DPP10: variants seen among roughly 807,000 people sequenced by gnomAD.
DPP10 encodes inactive dipeptidyl peptidase 10.
DPP10 carries 33 observed loss-of-function variants against 120.9 expected under a neutral mutation model. The ratio of observed to expected loss-of-function variants is 0.27; its 90% CI spans 0.21 to 0.37. The LOEUF (loss-of-function observed/expected upper bound fraction) is 0.37, where lower values mean the gene tolerates loss of function less well. Among genes scored for constraint, DPP10 ranks in the 10% least tolerant of loss-of-function variants. DPP10 has a pLI of 1.00. For missense variants in DPP10, 816 were observed against 942.8 expected, an observed-to-expected ratio of 0.87 and a Z score of 1.76; for synonymous variants, 337 against 326.1, an observed-to-expected ratio of 1.03 and a Z score of -0.36.
intron 1 of DPP10, among the ~76,000 whole-genome samples, chr2:115,166,036 C>T (rs1198160753): frequency 1.3e-5 from 2 of 152,110 alleles, no homozygotes; most frequent in Admixed American, 6.5e-5. Flanking sequence ...TGTAAAATGC[C>T]TTCTCTGAAA....
At chr2:115,231,757 T>A (rs1168666683) in intron 1 of DPP10, among the ~76,000 whole-genome samples, 1 of 152,190 alleles carries the variant, frequency 6.6e-6, no homozygotes, top group South Asian at 2.1e-4. Context: ...GTCTTGTGGT[T>A]CACTCTTTTC....
At chr2:114,484,101 T>A (rs916479221) in intron 1 of DPP10, among the ~76,000 whole-genome samples, 4 of 152,060 alleles carry the variant, frequency 2.6e-5, no homozygotes, top group Non-Finnish European at 5.9e-5. Flanking sequence ...CTCAAGGGAG[T>A]GACTCCAACT....
At chr2:115,655,072 C>A (rs1391437803) in intron 5 of DPP10, among the ~76,000 whole-genome samples, 3 of 151,630 alleles carry the variant, frequency 2.0e-5, no homozygotes, top group African/African-American at 7.2e-5. Flanking sequence ...ATTAATGTTT[C>A]TTTGCAACTT....
chr2:114,804,254 C>G (rs2106294973), intron 1 of DPP10, among the ~76,000 whole-genome samples: 1 of 152,296 alleles, frequency 6.6e-6, no homozygotes, highest in African/African-American at 2.4e-5. Flanking sequence ...TGCCTGGATG[C>G]CCAGATAAAA....
At chr2:115,282,262 C>T (rs950873892) in intron 1 of DPP10, among the ~76,000 whole-genome samples, 13 of 151,930 alleles carry the variant, frequency 8.6e-5, no homozygotes, top group Admixed American at 5.9e-4. Context: ...TTTTGTCTTT[C>T]TACATGTATG....
intron 1 of DPP10, among the ~76,000 whole-genome samples, chr2:114,514,875 T>C (rs1684463129): frequency 6.6e-6 from 1 of 152,062 alleles, no homozygotes; most frequent in Non-Finnish European, 1.5e-5. Context: ...CAACAGGAGT[T>C]ACCCATTACT....
chr2:114,929,825 T>G (rs1695934788), intron 1 of DPP10, among the ~76,000 whole-genome samples: 1 of 152,166 alleles, frequency 6.6e-6, no homozygotes, highest in African/African-American at 2.4e-5. Flanking sequence ...ATTGAGGAAG[T>G]GATAAATGTC....
intron 1 of DPP10, among the ~76,000 whole-genome samples, chr2:114,759,512 C>T (rs1444380835): frequency 6.6e-6 from 1 of 151,470 alleles, no homozygotes; most frequent in Non-Finnish European, 1.5e-5. Context: ...TCTTCCCCTC[C>T]TGCTGTCTCT....
chr2:115,158,146 T>G (rs78670495), intron 1 of DPP10, among the ~76,000 whole-genome samples: 4,302 of 152,330 alleles, frequency 0.028, 61 homozygotes, highest in African/African-American at 0.034. Context: ...CTTTGGTCCT[T>G]TGTCTGCTAT....
At chr2:115,705,046 T>C (rs1463799536) in intron 7 of DPP10, among the ~76,000 whole-genome samples, 1 of 151,978 alleles carries the variant, frequency 6.6e-6, no homozygotes, top group African/African-American at 2.4e-5. Context: ...CACATCTCTC[T>C]ATCACCTGTG....
chr2:114,743,415 G>C (rs1050147792), intron 1 of DPP10, among the ~76,000 whole-genome samples: 1 of 56,510 alleles, frequency 1.8e-5, no homozygotes. Context: ...CCCTTGCATG[G>C]AAATAGAAAA....
At chr2:115,125,501 C>T (rs188683081) in intron 1 of DPP10, among the ~76,000 whole-genome samples, 1 of 150,838 alleles carries the variant, frequency 6.6e-6, no homozygotes, top group African/African-American at 2.4e-5. Context: ...GCCAATTATA[C>T]CATTTTTAAA....
At chr2:115,079,196 C>T (rs1381885116) in intron 1 of DPP10, among the ~76,000 whole-genome samples, 4 of 151,884 alleles carry the variant, frequency 2.6e-5, no homozygotes, top group South Asian at 2.1e-4. Flanking sequence ...CTGGCTAACG[C>T]GGTGAAACCC....
At chr2:115,202,845 A>T (rs187996172) in intron 1 of DPP10, among the ~76,000 whole-genome samples, 1 of 152,316 alleles carries the variant, frequency 6.6e-6, no homozygotes, top group East Asian at 1.9e-4. Flanking sequence ...ATATCGGCAT[A>T]GTTTTAGAAA....
At chr2:114,965,753 C>T (rs535202030) in intron 1 of DPP10, among the ~76,000 whole-genome samples, 32 of 151,480 alleles carry the variant, frequency 2.1e-4, no homozygotes, top group East Asian at 2.0e-4. Flanking sequence ...CCGAGGTGGG[C>T]GGATCACGAG....
chr2:114,578,040 T>G (rs946387469), intron 1 of DPP10, among the ~76,000 whole-genome samples: 1 of 152,206 alleles, frequency 6.6e-6, no homozygotes, highest in Non-Finnish European at 1.5e-5. Flanking sequence ...TGGGGGGATA[T>G]AATTCAACCT....
At position 114,987,006 on chromosome 2, in the gene DPP10, C is replaced by T. The variant is rs570907655; in HGVS notation, c.61-322233C>T. ...TGTTGGCCAGGCTTGTCTCGAACTC[C>T]TGACCTCAAGTGATCCTCCCACCTC... On this transcript the variant is annotated intron_variant, in intron 1 of 25. Coordinates refer to ENST00000410059, the MANE Select transcript of DPP10 (RefSeq NM_020868.6). Among the ~76,000 whole-genome samples, 28 of 152,214 alleles carry T rather than the reference C, an allele frequency of 1.8e-4. 1 individual carries two copies. The South Asian group carries it at 5.4e-3, about 29-fold the overall frequency.
At chr2:115,097,462 A>G (rs1056793360) in intron 1 of DPP10, among the ~76,000 whole-genome samples, 1 of 152,224 alleles carries the variant, frequency 6.6e-6, no homozygotes, top group Non-Finnish European at 1.5e-5. Context: ...TTATATCATG[A>G]CTGTGATTGG....
intron 1 of DPP10, among the ~76,000 whole-genome samples, chr2:114,770,800 T>C (rs750886672): frequency 6.6e-6 from 1 of 152,226 alleles, no homozygotes; most frequent in South Asian, 2.1e-4. Context: ...TGTTCTTTCA[T>C]CTGTAGGTCC....
Sources: gnomAD v4.1 joint callset for allele counts (sites outside exome capture counted in the v4.1 genomes callset) on GRCh38, gnomAD v4.1.1 for gene constraint, MANE v1.5 for transcripts, NCBI Gene and HGNC (gene_info 2026-07-23, HGNC 2026-07-21) for gene names.